Variants in ANK1 observed in about 807,000 individuals in gnomAD.
The protein encoded by ANK1 is ankyrin 1.
In ANK1, 51 loss-of-function variants were observed where a neutral mutation model predicts 210.4. That is an observed-to-expected ratio of 0.24 (90% CI 0.19 to 0.31). ANK1 has a LOEUF of 0.31. Ranked by LOEUF, ANK1 falls within the 10% of genes least tolerant of loss-of-function variation. The pLI is 1.00. For missense variants in ANK1, 2,051 were observed against 2,504.4 expected, an observed-to-expected ratio of 0.82 and a Z score of 3.86; for synonymous variants, 967 against 1,025.9, an observed-to-expected ratio of 0.94 and a Z score of 1.10.
At chr8:41,860,642 T>A (rs1336478417) in intron 1 of ANK1, among the ~76,000 whole-genome samples, 1 of 152,206 alleles carries the variant, frequency 6.6e-6, no homozygotes, top group Non-Finnish European at 1.5e-5. Context: ...GGAGGATGAA[T>A]ACAGGCAAGT....
intron 1 of ANK1, among the ~76,000 whole-genome samples, chr8:41,859,277 C>T (rs1219175474): frequency 6.6e-6 from 1 of 152,194 alleles, no homozygotes; most frequent in South Asian, 2.1e-4. Flanking sequence ...TGGGCTTGGC[C>T]CTCCAACAAA....
intron 24 of ANK1, 130 bp from the exon 25 acceptor site, chr8:41,696,903 G>C: frequency 1.2e-6 from 1 of 861,264 alleles, no homozygotes; most frequent in Non-Finnish European, 1.9e-6. Flanking sequence ...TGCTCCCACG[G>C]GACCCCACCG....
chr8:41,886,002 C>T (rs757752107), intron 1 of ANK1, among the ~76,000 whole-genome samples: 17 of 152,198 alleles, frequency 1.1e-4, no homozygotes, highest in Non-Finnish European at 1.9e-4. Context: ...GCTAACACTG[C>T]ATTTAAATTA....
rs1028660655 is a variant in ANK1 at position 41,694,525 on chromosome 8, G to C, written c.3327+67C>G. 6.9e-7 allele frequency: 1 copy of C among 1,448,870 alleles called. No individual in the cohort carries two copies. Among genetic ancestry groups the C allele is most frequent in the African/African-American group, 1.4e-5 (1 of 71,352 alleles). 89.8% of individuals were successfully genotyped at this position (1,448,870 alleles called of 1,614,324 possible). On this transcript the variant is annotated intron_variant, in intron 28 of 42. Coordinates refer to ENST00000289734, the MANE Select transcript of ANK1 (RefSeq NM_000037.4). The surrounding 1 kb of genome is among the most constrained non-coding windows in gnomAD (Gnocchi z 5.7). Reference sequence around the variant, plus strand: ...AAGTGTGGGGATGTCCTGGGGAAGAGGGTGGCCTTCCCGGAGGCCTGGAGT... The same window carrying C: ...AAGTGTGGGGATGTCCTGGGGAAGACGGTGGCCTTCCCGGAGGCCTGGAGT...
At chr8:41,755,730 G>C (rs2150709394) in intron 2 of ANK1, among the ~76,000 whole-genome samples, 1 of 152,330 alleles carries the variant, frequency 6.6e-6, no homozygotes, top group East Asian at 1.9e-4. Context: ...TCCAGGCTTT[G>C]CTGCATCCAC....
intron 1 of ANK1, among the ~76,000 whole-genome samples, chr8:41,778,377 G>A (rs984106954): frequency 6.6e-6 from 1 of 152,246 alleles, no homozygotes; most frequent in African/African-American, 2.4e-5. Flanking sequence ...AGATCAGAGA[G>A]GGCTACAGCA....
rs1530328 is a variant in ANK1, at chr8:41,694,202, G to A, written c.3328-100C>T. 19,270 of 1,296,940 alleles carry A rather than the reference G, an allele frequency of 0.015. 188 individuals carry two copies. Among genetic ancestry groups the A allele is most frequent in the African/African-American group, 0.038 (2,580 of 68,374 alleles). 80.3% of individuals were successfully genotyped at this position (1,296,940 alleles called of 1,614,324 possible). A position where few individuals can be genotyped will look rare whatever the true frequency, so the allele number is the denominator to read the frequency against. On this transcript the variant is annotated intron_variant, in intron 28 of 42. Transcript: ENST00000289734. The surrounding 1 kb of genome is among the most constrained non-coding windows in gnomAD (Gnocchi z 5.7). Reference sequence around the variant, plus strand: ...CTGGTGAGAGTGGCCGTCAGTGCACGGGGTCCCGCCCTGCTGTTGGACCAC... The same window carrying A: ...CTGGTGAGAGTGGCCGTCAGTGCACAGGGTCCCGCCCTGCTGTTGGACCAC...
chr8:41,744,224 GAAAA>G (rs934297065), intron 2 of ANK1, among the ~76,000 whole-genome samples: 4 of 151,992 alleles, frequency 2.6e-5, no homozygotes, highest in Non-Finnish European at 2.9e-5. Context: ...CACAAATAAA[GAAAA>G]AATAAATTAA....
chr8:41,858,403 G>A (rs1812617282), intron 1 of ANK1, among the ~76,000 whole-genome samples: 1 of 151,854 alleles, frequency 6.6e-6, no homozygotes, highest in Admixed American at 6.6e-5. Context: ...AGAGGGTGAT[G>A]CCCAAATCAT....
intron 38 of ANK1, among the ~76,000 whole-genome samples, chr8:41,669,198 G>GC (rs1294055311): frequency 1.3e-5 from 2 of 151,608 alleles, no homozygotes; most frequent in Non-Finnish European, 2.9e-5. Context: ...TGGTTCCAAA[G>GC]CCCATCTCTA....
chr8:41,857,040 G>A (rs895949253), intron 1 of ANK1, among the ~76,000 whole-genome samples: 3 of 151,506 alleles, frequency 2.0e-5, no homozygotes, highest in African/African-American at 2.4e-5. Context: ...CACCATGCCC[G>A]GCTAAATTTT....
chr8:41,818,030 C>T (rs1264292204), intron 1 of ANK1, among the ~76,000 whole-genome samples: 1 of 152,236 alleles, frequency 6.6e-6, no homozygotes, highest in Non-Finnish European at 1.5e-5. Context: ...GCCACCTGCA[C>T]ATACAGGCCC....
chr8:41,691,894 G>A (rs1253516340), intron 31 of ANK1, among the ~76,000 whole-genome samples: 2 of 152,212 alleles, frequency 1.3e-5, no homozygotes, highest in Non-Finnish European at 2.9e-5. Flanking sequence ...GTCTCACTAC[G>A]TTGTCCAGAC....
At position 41,708,775 on chromosome 8, in the gene ANK1, T is replaced by C. The variant is rs1419688663; in HGVS notation, c.1998+3A>G. ...AGGGCAGATCCGAAGACACCATGCC[T>C]ACCTTGTTCCCCAGGTTGCCATTGG... On this transcript the variant is annotated splice_donor_region_variant and intron_variant, in intron 17 of 42. Coordinates refer to ENST00000289734, the MANE Select transcript of ANK1 (RefSeq NM_000037.4). 1 of 1,613,766 alleles carries C rather than the reference T, an allele frequency of 6.2e-7. No homozygotes were observed. The highest frequency in any genetic ancestry group is 8.5e-7 in the Non-Finnish European group (1 of 1,180,030).
intron 1 of ANK1, among the ~76,000 whole-genome samples, chr8:41,881,211 T>C (rs1817524967): frequency 6.6e-6 from 1 of 152,228 alleles, no homozygotes; most frequent in Non-Finnish European, 1.5e-5. Context: ...GACTAGAAGC[T>C]GGACTAGAAG....
intron 1 of ANK1, among the ~76,000 whole-genome samples, chr8:41,817,168 T>C (rs538919414): frequency 1.3e-5 from 2 of 152,314 alleles, no homozygotes; most frequent in Non-Finnish European, 2.9e-5. Context: ...GATAAGATCT[T>C]AGATAAGACA....
At chr8:41,738,717 A>G (rs1834004066) in intron 2 of ANK1, among the ~76,000 whole-genome samples, 1 of 152,236 alleles carries the variant, frequency 6.6e-6, no homozygotes, top group Non-Finnish European at 1.5e-5. Flanking sequence ...GTTTTACTTT[A>G]GCTAAATCAA....
chr8:41,663,806 G>T, intron 39 of ANK1, 64 bp from the exon 40 acceptor site: 1 of 1,357,508 alleles, frequency 7.4e-7, no homozygotes, highest in Non-Finnish European at 1.1e-6. Context: ...GAAGGGTGGA[G>T]GACGAGGAAA....
At chr8:41,663,610 C>A in intron 40 of ANK1, 49 bp downstream of exon 40, 1 of 1,566,712 alleles carries the variant, frequency 6.4e-7, no homozygotes, top group Admixed American at 1.7e-5. Context: ...CTTTTAGCTT[C>A]TAGCCCACCT....
Sources: gnomAD v4.1 joint callset for allele counts (sites outside exome capture counted in the v4.1 genomes callset) on GRCh38, gnomAD v4.1.1 for gene constraint, Gnocchi (gnomAD v3.1) non-coding constraint, MANE v1.5 for transcripts, NCBI Gene and HGNC (gene_info 2026-07-23, HGNC 2026-07-21) for gene names.